Variants in SIRT5 observed in about 807,000 individuals in gnomAD.
SIRT5 encodes the protein NAD-dependent protein deacylase sirtuin-5, mitochondrial.
In SIRT5, 26 loss-of-function variants were observed where a neutral mutation model predicts 40.0. That is an observed-to-expected ratio of 0.65 (90% CI 0.48 to 0.90). The LOEUF (loss-of-function observed/expected upper bound fraction) is 0.90. Ranked by LOEUF, SIRT5 falls within the 40% of genes least tolerant of loss-of-function variation. The pLI, the probability that SIRT5 is intolerant of heterozygous loss-of-function variation, is 0.00. For missense variants in SIRT5, 401 were observed against 402.4 expected (o/e 1.00, Z 0.03); for synonymous variants, 146 against 149.1 (o/e 0.98, Z 0.15).
intron 4 of SIRT5, 39 bp from the exon 5 acceptor site, chr6:13,591,630 C>A: frequency 1.4e-6 from 2 of 1,465,574 alleles, no homozygotes; most frequent in Middle Eastern, 2.2e-4. Context: ...TCCTGGCTGT[C>A]TCTGCCTCCC....
At chr6:13,581,104 G>A (rs1759292593) in intron 2 of SIRT5, among the ~76,000 whole-genome samples, 1 of 152,172 alleles carries the variant, frequency 6.6e-6, no homozygotes, top group Non-Finnish European at 1.5e-5. Context: ...AGAGTGCAAT[G>A]ATCTAAACCA....
At chr6:13,601,268 C>G (rs926782247) in intron 9 of SIRT5, among the ~76,000 whole-genome samples, 1 of 152,150 alleles carries the variant, frequency 6.6e-6, no homozygotes, top group East Asian at 1.9e-4. Flanking sequence ...GTAGGTTACC[C>G]AAATGCTCCG....
chr6:13,586,752 T>A (rs983695203), intron 3 of SIRT5, among the ~76,000 whole-genome samples: 18 of 152,288 alleles, frequency 1.2e-4, no homozygotes, highest in African/African-American at 4.3e-4. Context: ...TGACAGTCTC[T>A]ATCCTAGGCT....
chr6:13,600,347 C>T (rs145930641), intron 8 of SIRT5, among the ~76,000 whole-genome samples: 1 of 152,266 alleles, frequency 6.6e-6, no homozygotes, highest in African/African-American at 2.4e-5. Context: ...CTCTTCCCAT[C>T]CCTGTAAAGA....
rs138203419 is a variant in SIRT5, at chr6:13,587,245, G to T, written c.116-1086G>T. Among the ~76,000 whole-genome samples the T allele has an allele frequency of 3.3e-4, 50 of 152,282 alleles. 1 individual carries two copies. The highest frequency in any genetic ancestry group is 3.4e-3 in the Middle Eastern group (1 of 294). ...TTCTCCAGGGGGAGGGCAGAAAAGG[G>T]GCTCTCTGTTCTCCTCCTGGCAGCG... On this transcript the variant is annotated intron_variant, in intron 3 of 9. Coordinates refer to ENST00000606117, the MANE Select transcript of SIRT5 (RefSeq NM_012241.5).
rs1226869245 is a variant in SIRT5, at chr6:13,614,689, C to G, written c.*2824C>G. 6.6e-6 allele frequency: 1 copy of G among 152,326 alleles called. No individual in the cohort carries two copies. Among genetic ancestry groups the G allele is most frequent in the Non-Finnish European group, 1.5e-5 (1 of 68,094 alleles). 9.4% of individuals were successfully genotyped at this position (152,326 alleles called of 1,614,324 possible). A position where few individuals can be genotyped will look rare whatever the true frequency, so the allele number is the denominator to read the frequency against. On this transcript the variant is annotated 3_prime_UTR_variant, in exon 10 of 10. Transcript: ENST00000606117. ...CCAGGTCGTGGGTTAGGGCCCGGCACCAGGAAGGGCGCCCCTCCCACAGGG... is the reference window on the plus strand; with the variant it reads ...CCAGGTCGTGGGTTAGGGCCCGGCAGCAGGAAGGGCGCCCCTCCCACAGGG...
intron 2 of SIRT5, among the ~76,000 whole-genome samples, 160 bp downstream of exon 2, chr6:13,579,769 C>T (rs529128875): frequency 5.3e-5 from 8 of 152,184 alleles, no homozygotes; most frequent in Non-Finnish European, 8.8e-5. Context: ...AAACTTCATG[C>T]CCCTAATTAT....
At chr6:13,584,259 C>A in intron 3 of SIRT5, 34 bp downstream of exon 3, 1 of 1,464,008 alleles carries the variant, frequency 6.8e-7, no homozygotes, top group Non-Finnish European at 9.6e-7. Context: ...CACCTGCAGC[C>A]AAATGTGAAG....
intron 9 of SIRT5, chr6:13,605,762 C>A (rs1763022616): frequency 1.0e-6 from 1 of 985,330 alleles, no homozygotes; most frequent in African/African-American, 1.7e-5. Context: ...GACTGTTACT[C>A]AACCCCAGGG....
At chr6:13,587,391 C>G (rs1584769490) in intron 3 of SIRT5, among the ~76,000 whole-genome samples, 1 of 152,180 alleles carries the variant, frequency 6.6e-6, no homozygotes, top group African/African-American at 2.4e-5. Context: ...CCCAGCTGAC[C>G]TCCCTTTCCC....
intron 1 of SIRT5, among the ~76,000 whole-genome samples, chr6:13,579,076 A>T (rs1759009740): frequency 6.6e-6 from 1 of 152,118 alleles, no homozygotes; most frequent in Non-Finnish European, 1.5e-5. Flanking sequence ...CACCCTTCTG[A>T]CATTGCTTCT....
chr6:13,604,488 C>T lies in SIRT5; in HGVS notation c.857+3539C>T, dbSNP rs748347826. On this transcript the variant is annotated intron_variant, in intron 9 of 9. Transcript: ENST00000606117. ...GGTTTCTTTTCAGTCATTTGATCTC[C>T]ATCTCATCTCTAATTATTATAAAGA... 3.2e-6 allele frequency: 5 copies of T among 1,565,002 alleles called. No homozygotes were observed. The East Asian group carries it at 6.8e-5, about 21-fold the overall frequency.
chr6:13,601,525 T>C (rs1762390026), intron 9 of SIRT5, among the ~76,000 whole-genome samples: 1 of 152,196 alleles, frequency 6.6e-6, no homozygotes, highest in Non-Finnish European at 1.5e-5. Flanking sequence ...ACCCCAACTT[T>C]TTTTTGCTTT....
At chr6:13,600,704 T>C in intron 8 of SIRT5, 130 bp from the exon 9 acceptor site, 1 of 628,504 alleles carries the variant, frequency 1.6e-6, no homozygotes, top group East Asian at 2.8e-5. Flanking sequence ...CCCTGTTTTA[T>C]CCCATCCTGT....
At chr6:13,602,972 G>A (rs923952516) in intron 9 of SIRT5, among the ~76,000 whole-genome samples, 20 of 152,168 alleles carry the variant, frequency 1.3e-4, no homozygotes, top group Admixed American at 5.9e-4. Context: ...GGGTACCATC[G>A]ATTAAGTAAA....
intron 3 of SIRT5, among the ~76,000 whole-genome samples, chr6:13,584,576 C>T (rs1427260266): frequency 2.6e-5 from 4 of 152,070 alleles, no homozygotes; most frequent in Non-Finnish European, 2.9e-5. Flanking sequence ...GTCTCGATCT[C>T]TTGATCTCGT....
intron 4 of SIRT5, 33 bp from the exon 5 acceptor site, chr6:13,591,636 C>T (rs1760909374): frequency 1.4e-6 from 2 of 1,476,956 alleles, no homozygotes; most frequent in Non-Finnish European, 1.8e-6. Context: ...CTGTCTCTGC[C>T]TCCCTCACTC....
intron 1 of SIRT5, among the ~76,000 whole-genome samples, chr6:13,575,469 G>T (rs1028825635): frequency 3.3e-4 from 50 of 152,126 alleles, no homozygotes; most frequent in African/African-American, 1.0e-3. Flanking sequence ...TTATTTATTG[G>T]GAGCCTGTAC....
In SIRT5 at chr6:13,574,784, C is replaced by T. The variant is rs184683391; in HGVS notation, c.-195+40C>T. ...GCGTGGGGGTCGCTGCGGCTGGAGA[C>T]CAGGGAGGGGGATGGAAACGGGGTT... On this transcript the variant is annotated intron_variant, in intron 1 of 9. Transcript: ENST00000606117. 1,414 of 152,452 alleles carry T rather than the reference C, an allele frequency of 9.3e-3. 26 individuals are homozygous for T. The highest frequency in any genetic ancestry group is 0.031 in the African/African-American group (1,287 of 41,456). The allele number at this position is 152,452 out of a possible 1,614,324, so 9.4% of individuals were successfully genotyped here.
Sources: gnomAD v4.1 joint callset for allele counts (sites outside exome capture counted in the v4.1 genomes callset) on GRCh38, gnomAD v4.1.1 for gene constraint, MANE v1.5 for transcripts, NCBI Gene and HGNC (gene_info 2026-07-23, HGNC 2026-07-21) for gene names.